The following ATRX variants were observed in gnomAD, a reference collection of about 807,000 sequenced individuals.
The protein encoded by ATRX is chromatin remodeler ATRX.
ATRX carries 12 observed loss-of-function variants against 172.6 expected under a neutral mutation model. The observed-to-expected ratio is 0.07, with a 90% CI of 0.04 to 0.11. ATRX has a LOEUF of 0.11. Ranked by LOEUF, ATRX falls within the 10% of genes least tolerant of loss-of-function variation. The pLI, the probability that ATRX is intolerant of heterozygous loss-of-function variation, is 1.00. For missense variants in ATRX, 1,368 were observed against 1,767.4 expected (o/e 0.77, Z 4.05); for synonymous variants, 674 against 594.7 (o/e 1.13, Z -1.94).
intron 30 of ATRX, among the ~76,000 whole-genome samples, chrX:77,544,325 T>C (rs1388398811): frequency 2.7e-5 from 3 of 111,960 alleles, no homozygotes; most frequent in Admixed American, 9.5e-5. Context: ...CATTAGAATA[T>C]ATGGCAGAAT....
chrX:77,642,404 A>C (rs782512526), intron 15 of ATRX, among the ~76,000 whole-genome samples: 2 of 112,311 alleles, frequency 1.8e-5, no homozygotes, highest in Non-Finnish European at 3.8e-5. Flanking sequence ...TGAAGGAAAA[A>C]GGAGAAAGAT....
intron 2 of ATRX, among the ~76,000 whole-genome samples, chrX:77,699,116 A>C (rs2072355529): frequency 9.0e-6 from 1 of 110,900 alleles, no homozygotes. Flanking sequence ...AATAAAACCA[A>C]AGAGTAGTTC....
intron 30 of ATRX, among the ~76,000 whole-genome samples, chrX:77,533,630 G>T (rs782197115): frequency 9.0e-6 from 1 of 111,044 alleles, no homozygotes; most frequent in Non-Finnish European, 1.9e-5. Flanking sequence ...TGGCACCTGT[G>T]GGGGGTTGGG....
chrX:77,520,942 C>A (rs2063209976), intron 33 of ATRX, 26 bp from the exon 34 acceptor site: 1 of 1,178,896 alleles, frequency 8.5e-7, no homozygotes, highest in Admixed American at 2.2e-5. Context: ...TCTATTTACT[C>A]CTTATTACTG....
At position 77,681,975 on chromosome X, in the gene ATRX, C is replaced by G. The variant is rs146521598; in HGVS notation, c.3281G>C (p.Cys1094Ser). 2 of 1,210,169 alleles carry G rather than the reference C, an allele frequency of 1.7e-6. No homozygotes were observed. The highest frequency in any genetic ancestry group is 1.1e-6 in the Non-Finnish European group (1 of 894,368). ...NGAYGREKKR[C>S]KLLGKSSRKR... ...CCTTGAACTCTTTCCAAGCAACTTG[C>G]ACCTTTTCTTCTCTCTACCATATGC... The change falls in exon 9 of 35, where the codon TGC becomes TCC. Residue 1094 changes from cysteine (C) to serine (S), a missense_variant. Around this residue, in one of 17 missense-constraint regions of ATRX, gnomAD observed 843 missense variants for 643.1 expected, o/e 1.31. Transcript: ENST00000373344.
Position 77,633,404 on chromosome X carries a change from A to AT in ATRX, c.4957-21dup. ...AGAAACCTTTTGTGGGGAAATAAAG[A>AT]TTTTTTTAAGTAGCTACTAAAAACA... On this transcript the variant is annotated intron_variant, in intron 18 of 34. Coordinates refer to ENST00000373344, the MANE Select transcript of ATRX (RefSeq NM_000489.6). 2 of 1,200,111 alleles carry AT rather than the reference A, an allele frequency of 1.7e-6. No homozygotes were observed. The highest frequency in any genetic ancestry group is 5.9e-5 in the East Asian group (2 of 33,766).
intron 30 of ATRX, among the ~76,000 whole-genome samples, chrX:77,553,598 T>G (rs782426085): frequency 9.0e-6 from 1 of 111,720 alleles, no homozygotes; most frequent in African/African-American, 3.2e-5. Flanking sequence ...CTTATACTCT[T>G]ATTTATTTTT....
At chrX:77,733,065 A>G (rs1557176861) in intron 1 of ATRX, among the ~76,000 whole-genome samples, 1 of 112,535 alleles carries the variant, frequency 8.9e-6, no homozygotes, top group Non-Finnish European at 1.9e-5. Flanking sequence ...GTAAACTGTC[A>G]GTATAAAAAA....
chrX:77,585,866 T>C lies in ATRX; in HGVS notation c.6217+3968A>G, dbSNP rs187710797. Among the ~76,000 whole-genome samples the C allele has an allele frequency of 1.4e-4, 16 of 110,442 alleles. 1 individual carries two copies. Among genetic ancestry groups the C allele is most frequent in the Non-Finnish European group, 1.3e-4 (7 of 52,839 alleles). ...CAACATGGATGGAACTGGAGGTCAT[T>C]AAGTGAAATAAGCTAGGCAGAGAAA... On this transcript the variant is annotated intron_variant, in intron 27 of 34. Coordinates refer to ENST00000373344, the MANE Select transcript of ATRX (RefSeq NM_000489.6).
chrX:77,505,812 T>G lies in ATRX; in HGVS notation c.*2539A>C, dbSNP rs1219698485. ...AAACACAGATAGTATATTGTCATAC[T>G]TGAATGCTTTTCTTTAAAAACACAA... On this transcript the variant is annotated 3_prime_UTR_variant, in exon 35 of 35. Coordinates refer to ENST00000373344, the MANE Select transcript of ATRX (RefSeq NM_000489.6). 6.5e-5 allele frequency: 11 copies of G among 170,306 alleles called. No homozygotes were observed. The highest frequency in any genetic ancestry group is 2.3e-5 in the Non-Finnish European group (2 of 88,804). 14.0% of individuals were successfully genotyped at this position (170,306 alleles called of 1,213,427 possible).
rs782756209 is a variant in ATRX, at chrX:77,629,139, G to C, written c.5134+4068C>G. Among the ~76,000 whole-genome samples the C allele has an allele frequency of 2.7e-5, 3 of 112,048 alleles. No homozygotes were observed. The South Asian group carries it at 1.1e-3, about 41-fold the overall frequency. On this transcript the variant is annotated intron_variant, in intron 19 of 34. Coordinates refer to ENST00000373344, the MANE Select transcript of ATRX (RefSeq NM_000489.6). Reference sequence around the variant, plus strand: ...AAGAATCTCATACCCAAAACTGTCTGGTTCTGACATTTTGTTTCCATCTTG... The same window carrying C: ...AAGAATCTCATACCCAAAACTGTCTCGTTCTGACATTTTGTTTCCATCTTG...
intron 22 of ATRX, among the ~76,000 whole-genome samples, chrX:77,603,405 G>T (rs1459512489): frequency 1.8e-5 from 2 of 108,278 alleles, no homozygotes; most frequent in African/African-American, 6.7e-5. Flanking sequence ...CGCTCTTGTT[G>T]CCTAGGCTGG....
chrX:77,621,096 G>T (rs911588215), intron 19 of ATRX, among the ~76,000 whole-genome samples: 3 of 111,243 alleles, frequency 2.7e-5, no homozygotes, highest in African/African-American at 9.8e-5. Context: ...TGTTACATGG[G>T]TATGGAGGGT....
intron 22 of ATRX, among the ~76,000 whole-genome samples, chrX:77,607,060 T>C (rs1424359274): frequency 9.0e-6 from 1 of 111,700 alleles, no homozygotes; most frequent in Non-Finnish European, 1.9e-5. Context: ...AAGTCTTTGC[T>C]CTAAGATCTT....
rs185051825 is a variant in ATRX at position 77,737,151 on chromosome X, G to A, written c.21-19908C>T. 3.1e-3 allele frequency among the ~76,000 whole-genome samples: 343 copies of A among 110,322 alleles called. 1 individual carries two copies. Among genetic ancestry groups the A allele is most frequent in the Non-Finnish European group, 3.9e-3 (207 of 52,842 alleles). On this transcript the variant is annotated intron_variant, in intron 1 of 34. Transcript: ENST00000373344. ...AATAAGACCTAGTATTTGGCCAGGC[G>A]CAGTGGCTCACACCTGTACTCCCAG...
chrX:77,681,681 C>G lies in ATRX; in HGVS notation c.3575G>C (p.Ser1192Thr), dbSNP rs2071203336. Reference protein sequence around the residue: ...KEKKRNSLRTSTKRKQADITS... With the variant: ...KEKKRNSLRTTTKRKQADITS... Reference sequence around the variant, plus strand: ...AATGTCAGCTTGCTTCCTTTTAGTGCTTGTTCTTAGGGAGTTTCTCTTTTT... The same window carrying G: ...AATGTCAGCTTGCTTCCTTTTAGTGGTTGTTCTTAGGGAGTTTCTCTTTTT... Residue 1192 changes from serine (S) to threonine (T), a missense_variant, in exon 9 of 35, where the codon AGC (serine) becomes ACC (threonine). Ser to Thr is a moderately conservative substitution (Grantham distance 58). Transcript: ENST00000373344. The G allele has an allele frequency of 5.0e-6, 6 of 1,209,011 alleles. No homozygotes were observed. Among genetic ancestry groups the G allele is most frequent in the Non-Finnish European group, 6.7e-6 (6 of 894,742 alleles).
intron 1 of ATRX, among the ~76,000 whole-genome samples, chrX:77,767,243 G>C (rs1202553231): frequency 9.5e-6 from 1 of 105,211 alleles, no homozygotes; most frequent in Non-Finnish European, 2.0e-5. Flanking sequence ...TGGGGAGAGG[G>C]AGAGAGGGAG....
At chrX:77,632,877 T>G (rs1462760241) in intron 19 of ATRX, among the ~76,000 whole-genome samples, 1 of 111,850 alleles carries the variant, frequency 8.9e-6, no homozygotes, top group Non-Finnish European at 1.9e-5. Flanking sequence ...TTTCAGGATA[T>G]GGAGAGAGCT....
chrX:77,707,466 T>C (rs1343914129), intron 2 of ATRX, among the ~76,000 whole-genome samples: 1 of 112,569 alleles, frequency 8.9e-6, no homozygotes, highest in Non-Finnish European at 1.9e-5. Flanking sequence ...GCAAAGGGGC[T>C]GGGCACGGTG....
Sources: gnomAD v4.1 joint callset for allele counts (sites outside exome capture counted in the v4.1 genomes callset) on GRCh38, gnomAD v4.1.1 for gene constraint, gnomAD v4.1.1 regional missense constraint, MANE v1.5 for transcripts, NCBI Gene and HGNC (gene_info 2026-07-23, HGNC 2026-07-21) for gene names.